Variants in DLC1 observed in about 807,000 individuals in gnomAD.
The protein encoded by DLC1 is rho GTPase-activating protein 7.
In DLC1, 54 loss-of-function variants were observed where a neutral mutation model predicts 140.3. That is an observed-to-expected ratio of 0.38 (90% CI 0.31 to 0.48). DLC1 has a LOEUF of 0.48. DLC1 is among the 20% of genes least tolerant of loss of function. DLC1 has a pLI of 0.96. For missense variants in DLC1, 2,536 were observed against 1,907.0 expected (o/e 1.33, Z -6.14); for synonymous variants, 986 against 728.1 (o/e 1.35, Z -5.70).
intron 4 of DLC1, among the ~76,000 whole-genome samples, chr8:13,378,103 A>C (rs529613501): frequency 2.8e-5 from 4 of 144,108 alleles, no homozygotes; most frequent in Admixed American, 2.7e-4. Context: ...ATTATACTTT[A>C]AGTTTTAGGG....
chr8:13,396,592 G>A (rs1837054686), intron 3 of DLC1, among the ~76,000 whole-genome samples: 1 of 152,076 alleles, frequency 6.6e-6, no homozygotes, highest in African/African-American at 2.4e-5. Context: ...AAGGCTTAAG[G>A]TAAATAACTT....
intron 1 of DLC1, chr8:13,536,017 G>C (rs190815055): frequency 3.9e-5 from 6 of 152,088 alleles, no homozygotes; most frequent in African/African-American, 1.4e-4. Flanking sequence ...ACACCAAGGA[G>C]AACAACAAAG....
At chr8:13,105,960 G>A (rs557267418) in intron 7 of DLC1, among the ~76,000 whole-genome samples, 3 of 152,298 alleles carry the variant, frequency 2.0e-5, no homozygotes, top group East Asian at 3.9e-4. Flanking sequence ...TCACACAGTG[G>A]CTGATATGCT....
chr8:13,482,061 C>T (rs572513816), intron 2 of DLC1, among the ~76,000 whole-genome samples: 1 of 152,170 alleles, frequency 6.6e-6, no homozygotes, highest in Non-Finnish European at 1.5e-5. Context: ...ACACCTTGAT[C>T]TGGGACTTCT....
At chr8:13,195,647 A>C (rs990344352) in intron 5 of DLC1, among the ~76,000 whole-genome samples, 2 of 152,204 alleles carry the variant, frequency 1.3e-5, no homozygotes, top group Admixed American at 1.3e-4. Context: ...AAATATTGCC[A>C]ATAGGTAGAA....
At chr8:13,270,025 C>A (rs1262846946) in intron 5 of DLC1, among the ~76,000 whole-genome samples, 1 of 150,376 alleles carries the variant, frequency 6.6e-6, no homozygotes, top group African/African-American at 2.4e-5. Context: ...CCACTGCACT[C>A]CAGCCTGGGC....
chr8:13,603,961 A>ACTT (rs1805967562), intron 1 of DLC1, among the ~76,000 whole-genome samples: 1 of 152,156 alleles, frequency 6.6e-6, no homozygotes, highest in African/African-American at 2.4e-5. Flanking sequence ...CAGAAAAGGT[A>ACTT]AATGGTGTAC....
chr8:13,119,596 T>A (rs1563636377), intron 5 of DLC1, among the ~76,000 whole-genome samples: 1 of 152,172 alleles, frequency 6.6e-6, no homozygotes, highest in Non-Finnish European at 1.5e-5. Flanking sequence ...TGTGGATTAC[T>A]AATATCTCTG....
upstream of DLC1, among the ~76,000 whole-genome samples, chr8:13,518,620 G>A (rs1263194682): frequency 6.6e-6 from 1 of 152,146 alleles, no homozygotes; most frequent in East Asian, 1.9e-4. Context: ...GAAATAAGTA[G>A]CAACATCATT....
intron 17 of DLC1, 87 bp downstream of exon 17, chr8:13,086,199 GTGTT>G (rs1817543350): frequency 6.7e-7 from 1 of 1,485,070 alleles, no homozygotes; most frequent in Non-Finnish European, 9.1e-7. Flanking sequence ...AAAAAATGAC[GTGTT>G]TGTTTAAGGC....
At position 13,090,465 on chromosome 8, in the gene DLC1, G is replaced by A. The variant is rs771556863; in HGVS notation, c.3861C>T (p.Pro1287=). ...IAECKKLFQV[P]EEMSRCRNSY... is the part of the protein sequence containing the mutation. ...AATTACGACATCGGCTCATTTCCTC[G>A]GGAACCTGTGCGGAACATGACAGAC... Residue 1287 remains proline (P), a synonymous_variant, in exon 15 of 18, where the codon CCC becomes CCT. Transcript: ENST00000276297. The A allele has an allele frequency of 6.4e-5, 103 of 1,613,674 alleles. 2 individuals are homozygous for A. In the South Asian group the frequency reaches 6.5e-4, roughly 10 times the overall value.
At position 13,100,039 on chromosome 8, in the gene DLC1, A is replaced by G; in HGVS notation, c.2298T>C (p.Ser766=). ...PSPVTRTRSL[S]ACNKRVGMYL... is the part of the protein sequence containing the mutation. ...ACATGCCCACCCGCTTGTTGCACGC[A>G]CTGAGGCTCCGGGTCCTCGTAACAG... Residue 766 remains serine, a synonymous_variant, in exon 9 of 18, where the codon AGT becomes AGC. Transcript: ENST00000276297. The G allele has an allele frequency of 6.2e-7, 1 of 1,613,192 alleles. No homozygotes were observed.
chr8:13,205,819 G>C (rs1014549797), intron 5 of DLC1, among the ~76,000 whole-genome samples: 3 of 152,104 alleles, frequency 2.0e-5, no homozygotes, highest in Non-Finnish European at 2.9e-5. Context: ...AAAGAAATTT[G>C]ACTAAAATAA....
chr8:13,129,995 C>T (rs147893277), intron 5 of DLC1, among the ~76,000 whole-genome samples: 1 of 152,298 alleles, frequency 6.6e-6, no homozygotes, highest in African/African-American at 2.4e-5. Flanking sequence ...GTTGACAATA[C>T]TGGACCATCC....
intron 1 of DLC1, among the ~76,000 whole-genome samples, chr8:13,585,418 A>C (rs558409140): frequency 9.2e-5 from 14 of 152,330 alleles, no homozygotes; most frequent in Admixed American, 7.8e-4. Context: ...TTTAAAAAAA[A>C]AGAATGAAGA....
intron 1 of DLC1, among the ~76,000 whole-genome samples, chr8:13,593,949 G>T (rs1185717425): frequency 6.6e-6 from 1 of 152,048 alleles, no homozygotes; most frequent in African/African-American, 2.4e-5. Flanking sequence ...CTAATGCAAA[G>T]ATCCTCTGAA....
At chr8:13,419,535 G>T (rs915180426) in intron 2 of DLC1, among the ~76,000 whole-genome samples, 2 of 152,092 alleles carry the variant, frequency 1.3e-5, no homozygotes, top group African/African-American at 4.8e-5. Context: ...TGCGTATATT[G>T]AACCACCTGG....
chr8:13,292,372 T>G (rs1315620433), intron 5 of DLC1, among the ~76,000 whole-genome samples: 1 of 152,186 alleles, frequency 6.6e-6, no homozygotes, highest in Non-Finnish European at 1.5e-5. Context: ...GAACGATGAG[T>G]ACCATCTCAG....
chr8:13,282,462 T>C (rs920988493), intron 5 of DLC1, among the ~76,000 whole-genome samples: 2 of 152,162 alleles, frequency 1.3e-5, no homozygotes, highest in Non-Finnish European at 2.9e-5. Context: ...GCAATTTCTA[T>C]AGAAAAATCA....
Sources: gnomAD v4.1 joint callset for allele counts (sites outside exome capture counted in the v4.1 genomes callset) on GRCh38, gnomAD v4.1.1 for gene constraint, MANE v1.5 for transcripts, NCBI Gene and HGNC (gene_info 2026-07-23, HGNC 2026-07-21) for gene names.